Variants in POU6F2 observed in about 807,000 individuals in gnomAD.
POU6F2 encodes the protein POU domain, class 6, transcription factor 2.
POU6F2 carries 31 observed loss-of-function variants against 71.3 expected under a neutral mutation model. That is an observed-to-expected ratio of 0.43 (90% confidence interval 0.33 to 0.59). The LOEUF (loss-of-function observed/expected upper bound fraction) is 0.59. POU6F2 is among the 20% of genes least tolerant of loss of function. The probability of loss-of-function intolerance (pLI) is 0.04; values close to 1 mark genes in which losing one functional copy is unlikely to be tolerated. For synonymous variants in POU6F2, 347 were observed against 355.7 expected, an observed-to-expected ratio of 0.98 and a Z score of 0.27; for missense variants, 783 against 856.8, an observed-to-expected ratio of 0.91 and a Z score of 1.07.
intron 6 of POU6F2, among the ~76,000 whole-genome samples, chr7:39,423,424 A>G (rs1787898468): frequency 1.3e-5 from 2 of 152,200 alleles, no homozygotes; most frequent in South Asian, 2.1e-4. Context: ...ACAATGTGGT[A>G]TGCCCTGCCC....
Position 39,245,300 on chromosome 7 carries a change from A to G in POU6F2, c.598+37680A>G, listed in dbSNP as rs576981119. On this transcript the variant is annotated intron_variant, in intron 4 of 9. Transcript: ENST00000518318. ...AAAACTTGACCCAAGTAGAATTTTCATAAGTACTGACTAGTTCTCCTCTAG... is the reference window on the plus strand; with the variant it reads ...AAAACTTGACCCAAGTAGAATTTTCGTAAGTACTGACTAGTTCTCCTCTAG... Among the ~76,000 whole-genome samples, 5 of 152,334 alleles carry G rather than the reference A, an allele frequency of 3.3e-5. No homozygotes were observed. The East Asian group carries it at 7.7e-4, about 24-fold the overall frequency.
chr7:39,041,938 T>G (rs1262290290), intron 1 of POU6F2, among the ~76,000 whole-genome samples: 1 of 151,968 alleles, frequency 6.6e-6, no homozygotes, highest in African/African-American at 2.4e-5. Flanking sequence ...CTAATTTGAC[T>G]GGTAAGAATC....
intron 5 of POU6F2, among the ~76,000 whole-genome samples, chr7:39,394,334 A>G (rs1787132028): frequency 6.6e-6 from 1 of 152,328 alleles, no homozygotes; most frequent in South Asian, 2.1e-4. Flanking sequence ...CCCTTTATAT[A>G]AAATAAATGA....
chr7:39,006,391 G>C (rs953682481), intron 1 of POU6F2, among the ~76,000 whole-genome samples: 7 of 152,096 alleles, frequency 4.6e-5, no homozygotes, highest in Non-Finnish European at 1.0e-4. Context: ...TTGAACCTGG[G>C]AGGCGGAGGT....
At chr7:39,302,790 G>A (rs1295003124) in intron 4 of POU6F2, among the ~76,000 whole-genome samples, 1 of 152,186 alleles carries the variant, frequency 6.6e-6, no homozygotes, top group African/African-American at 2.4e-5. Context: ...TACAGTAAGT[G>A]TTTGTAGAAC....
At chr7:39,119,147 T>TC (rs1455001374) in intron 2 of POU6F2, among the ~76,000 whole-genome samples, 1 of 152,058 alleles carries the variant, frequency 6.6e-6, no homozygotes, top group African/African-American at 2.4e-5. Context: ...TGGAGGGAAT[T>TC]CCCAGCCACA....
rs2116190702 is a variant in POU6F2, at chr7:39,466,960, T to C, written c.*2274T>C. The C allele has an allele frequency of 6.6e-6, 1 of 152,266 alleles. No individual in the cohort carries two copies. The highest frequency in any genetic ancestry group is 1.9e-4 in the East Asian group (1 of 5,186). 9.4% of individuals were successfully genotyped at this position (152,266 alleles called of 1,614,324 possible). A position where few individuals can be genotyped will look rare whatever the true frequency, so the allele number is the denominator to read the frequency against. On this transcript the variant is annotated 3_prime_UTR_variant, in exon 10 of 10. Coordinates refer to ENST00000518318, the MANE Select transcript of POU6F2 (RefSeq NM_001370959.1). ...CCAAATTCCATCAAGAAAAGCTCCC[T>C]GCGAAGAGAAGTTAACAAGATAACA...
intron 1 of POU6F2, among the ~76,000 whole-genome samples, chr7:38,999,690 A>G (rs897005935): frequency 5.3e-5 from 8 of 152,192 alleles, no homozygotes; most frequent in Admixed American, 1.3e-4. Context: ...CGACATATCC[A>G]ATGACAGGTT....
At chr7:39,300,600 G>C (rs1784934292) in intron 4 of POU6F2, among the ~76,000 whole-genome samples, 1 of 151,842 alleles carries the variant, frequency 6.6e-6, no homozygotes, top group Non-Finnish European at 1.5e-5. Flanking sequence ...TGCAATCGAG[G>C]TGTCAGCAGG....
intron 4 of POU6F2, among the ~76,000 whole-genome samples, chr7:39,243,831 G>A (rs1433691481): frequency 6.6e-6 from 1 of 152,206 alleles, no homozygotes; most frequent in Non-Finnish European, 1.5e-5. Flanking sequence ...GGAAAACTCA[G>A]AATTTGCCCA....
chr7:39,238,275 T>C (rs1794710412), intron 4 of POU6F2, among the ~76,000 whole-genome samples: 1 of 152,158 alleles, frequency 6.6e-6, no homozygotes, highest in East Asian at 1.9e-4. Flanking sequence ...ACAATGAACA[T>C]ATAAGGACAA....
At position 39,357,744 on chromosome 7, in the gene POU6F2, T is replaced by C. The variant is rs984681954; in HGVS notation, c.972+17729T>C. ...AGATGGAAAAAGTAATTCTTATAAA[T>C]GTATCATGTTCTCTCTAGAGCCAAA... On this transcript the variant is annotated intron_variant, in intron 5 of 9. Transcript: ENST00000518318. 3.9e-5 allele frequency among the ~76,000 whole-genome samples: 6 copies of C among 152,240 alleles called. No individual in the cohort carries two copies. In the East Asian group the frequency reaches 1.2e-3, roughly 29 times the overall value.
intron 2 of POU6F2, among the ~76,000 whole-genome samples, chr7:39,115,054 T>C (rs1183919048): frequency 2.0e-5 from 3 of 152,198 alleles, no homozygotes; most frequent in Non-Finnish European, 4.4e-5. Context: ...AAGACAAAAG[T>C]GATCTCCCCA....
intron 2 of POU6F2, among the ~76,000 whole-genome samples, chr7:39,156,982 T>TTCTACTGCAAACAAAATAG (rs1792883468): frequency 6.6e-6 from 1 of 152,198 alleles, no homozygotes; most frequent in African/African-American, 2.4e-5. Context: ...TTTCTTTTGT[T>TTCTACTGCAAACAAAATAG]TCTACTGCAA....
intron 1 of POU6F2, among the ~76,000 whole-genome samples, chr7:39,057,461 G>A (rs1476927400): frequency 6.6e-6 from 1 of 151,112 alleles, no homozygotes; most frequent in Non-Finnish European, 1.5e-5. Flanking sequence ...CACTTTTATT[G>A]GTCTTTTTCA....
chr7:39,159,799 A>G lies in POU6F2; in HGVS notation c.278-44436A>G, dbSNP rs1367129397. Among the ~76,000 whole-genome samples the G allele has an allele frequency of 2.0e-5, 3 of 152,194 alleles. 1 individual carries two copies. Among genetic ancestry groups the G allele is most frequent in the East Asian group, 3.8e-4 (2 of 5,206 alleles). ...TGTTCTTGAAACTATGAATTTGTCA[A>G]TGAAACAGAAGAGAAGAGGAAGAAA... is the stretch of plus-strand genomic sequence containing the variant. On this transcript the variant is annotated intron_variant, in intron 2 of 9. Coordinates refer to ENST00000518318, the MANE Select transcript of POU6F2 (RefSeq NM_001370959.1).
intron 1 of POU6F2, among the ~76,000 whole-genome samples, chr7:39,049,592 AT>A (rs1264597948): frequency 2.0e-5 from 3 of 152,034 alleles, no homozygotes; most frequent in Admixed American, 6.6e-5. Context: ...AGATCAGCAA[AT>A]GATAGCTTGT....
chr7:39,213,646 C>T (rs542820880), intron 4 of POU6F2, among the ~76,000 whole-genome samples: 1 of 152,308 alleles, frequency 6.6e-6, no homozygotes, highest in South Asian at 2.1e-4. Flanking sequence ...TCTTTTGTGT[C>T]TGGCTTTTCT....
At chr7:39,360,178 G>C (rs1028942458) in intron 5 of POU6F2, among the ~76,000 whole-genome samples, 1 of 152,186 alleles carries the variant, frequency 6.6e-6, no homozygotes, top group Non-Finnish European at 1.5e-5. Context: ...TTTTCAGATA[G>C]TATCTTCCTA....
Sources: allele counts gnomAD v4.1 joint callset (sites outside exome capture counted in the v4.1 genomes callset), GRCh38; gene constraint gnomAD v4.1.1; transcripts MANE v1.5; gene names NCBI Gene and HGNC (gene_info 2026-07-23, HGNC 2026-07-21).